CAST: variants seen among roughly 807,000 people sequenced by gnomAD.
CAST encodes MIR583 host.
CAST carries 76 observed loss-of-function variants against 119.6 expected under a neutral mutation model. The observed-to-expected ratio is 0.64, with a 90% CI of 0.53 to 0.77. CAST has a LOEUF of 0.77. Among genes scored for constraint, CAST ranks in the 30% least tolerant of loss-of-function variants. The pLI, the probability that CAST is intolerant of heterozygous loss-of-function variation, is 0.00. For synonymous variants in CAST, 319 were observed against 331.6 expected (o/e 0.96, Z 0.41); for missense variants, 953 against 946.5 (o/e 1.01, Z -0.09).
intron 1 of CAST, among the ~76,000 whole-genome samples, chr5:96,654,645 C>T (rs1748133404): frequency 6.6e-6 from 1 of 151,956 alleles, no homozygotes; most frequent in South Asian, 2.1e-4. Context: ...CAGATGTTAT[C>T]AAGAGTAAGT....
the CAST span, among the ~76,000 whole-genome samples, chr5:96,411,230 T>C: frequency 6.6e-6 from 1 of 152,244 alleles, no homozygotes; most frequent in East Asian, 1.9e-4. Context: ...CACACGCTTT[T>C]CTTTCTTATG....
chr5:96,692,003 C>T (rs539468577), intron 2 of CAST, among the ~76,000 whole-genome samples: 1 of 152,246 alleles, frequency 6.6e-6, no homozygotes, highest in African/African-American at 2.4e-5. Context: ...AAAATTTTTT[C>T]TCTGAACTAC....
At chr5:96,388,037 G>T in the CAST span, among the ~76,000 whole-genome samples, 1 of 152,188 alleles carries the variant, frequency 6.6e-6, no homozygotes, top group Non-Finnish European at 1.5e-5. Context: ...CAATATGGGG[G>T]TGTATAGAGA....
rs1762931147 is a variant in CAST at position 96,742,651 on chromosome 5, A to G, written c.1099-4A>G. On this transcript the variant is annotated splice_polypyrimidine_tract_variant and splice_region_variant and intron_variant, in intron 15 of 31. Coordinates refer to ENST00000675179, the MANE Select transcript of CAST (RefSeq NM_001750.7). ...TCATGCACAGGATTTTTTACTTTTA[A>G]CAGGATACAATGAGTGATCAAGCAC... 6.2e-7 allele frequency: 1 copy of G among 1,602,610 alleles called. No individual in the cohort carries two copies. The highest frequency in any genetic ancestry group is 1.1e-5 in the South Asian group (1 of 90,864).
At chr5:96,687,637 A>T (rs1752234120) in intron 2 of CAST, among the ~76,000 whole-genome samples, 4 of 152,306 alleles carry the variant, frequency 2.6e-5, no homozygotes, top group Middle Eastern at 6.8e-3. Context: ...TTCCTAAATG[A>T]TCTAATTCAA....
At chr5:96,287,634 A>T in the CAST span, among the ~76,000 whole-genome samples, 1 of 152,160 alleles carries the variant, frequency 6.6e-6, no homozygotes, top group Admixed American at 6.6e-5. Context: ...GAACTATATA[A>T]AACACTTTCA....
chr5:96,355,670 C>T, the CAST span, among the ~76,000 whole-genome samples: 1 of 152,122 alleles, frequency 6.6e-6, no homozygotes, highest in Non-Finnish European at 1.5e-5. Context: ...TGCTATTTCT[C>T]CACGTCCTCT....
At chr5:96,140,221 G>C in the CAST span, among the ~76,000 whole-genome samples, 5 of 152,214 alleles carry the variant, frequency 3.3e-5, no homozygotes, top group Non-Finnish European at 7.3e-5. Flanking sequence ...ATTTGAAGAA[G>C]TGTGGTTGTT....
the CAST span, among the ~76,000 whole-genome samples, chr5:96,439,478 CTT>C: frequency 3.3e-5 from 5 of 152,164 alleles, no homozygotes; most frequent in Non-Finnish European, 7.3e-5. Context: ...CACCAAATAA[CTT>C]GACATTAGGA....
At chr5:96,039,747 C>CAAAA in the CAST span, among the ~76,000 whole-genome samples, 1 of 152,174 alleles carries the variant, frequency 6.6e-6, no homozygotes, top group Non-Finnish European at 1.5e-5. Flanking sequence ...TGTTTTGATA[C>CAAAA]CAGTATCATG....
the CAST span, among the ~76,000 whole-genome samples, chr5:96,133,302 A>C: frequency 2.6e-3 from 388 of 152,046 alleles, 1 homozygote; most frequent in Non-Finnish European, 3.8e-3. Flanking sequence ...AGAAAAAAAA[A>C]AAACACACAC....
At chr5:96,665,072 A>G (rs1363684538) in intron 1 of CAST, among the ~76,000 whole-genome samples, 1 of 152,218 alleles carries the variant, frequency 6.6e-6, no homozygotes, top group Non-Finnish European at 1.5e-5. Context: ...TGTTTTTGCT[A>G]AAACCTCTCT....
upstream of CAST, among the ~76,000 whole-genome samples, chr5:96,659,293 G>A (rs1748210838): frequency 6.6e-6 from 1 of 152,188 alleles, no homozygotes; most frequent in Admixed American, 6.5e-5. Flanking sequence ...AGGCACGGTT[G>A]CCACAAGCCT....
In CAST at chr5:96,755,810, G is replaced by A. The variant is rs577683417; in HGVS notation, c.1710+1069G>A. Among the ~76,000 whole-genome samples, 87 of 152,256 alleles carry A rather than the reference G, an allele frequency of 5.7e-4. 1 individual carries two copies. Among genetic ancestry groups the A allele is most frequent in the South Asian group, 5.2e-3 (25 of 4,826 alleles). The stretch of plus-strand genomic sequence containing the variant: ...TTTACAATTCAGTTGCAGCCATAGC[G>A]TTTCTATTAATTTGGGCTCATTTGT... On this transcript the variant is annotated intron_variant, in intron 22 of 31. Transcript: ENST00000675179.
At chr5:96,512,118 C>T in the CAST span, among the ~76,000 whole-genome samples, 7 of 152,186 alleles carry the variant, frequency 4.6e-5, no homozygotes, top group Non-Finnish European at 1.0e-4. Flanking sequence ...AAAGGAGGTG[C>T]TCAATAAATA....
the CAST span, among the ~76,000 whole-genome samples, chr5:96,361,408 G>T: frequency 6.6e-6 from 1 of 152,198 alleles, no homozygotes; most frequent in Admixed American, 6.5e-5. Flanking sequence ...CTAGCTCAGT[G>T]TCTGCCCAAA....
At chr5:96,747,302 A>G (rs758178990) in intron 17 of CAST, 43 bp from the exon 18 acceptor site, 1 of 1,364,170 alleles carries the variant, frequency 7.3e-7, no homozygotes, top group African/African-American at 1.4e-5. Flanking sequence ...ATGAAAGCAA[A>G]ATTTTCTATT....
At chr5:96,410,461 T>C in the CAST span, among the ~76,000 whole-genome samples, 1 of 151,950 alleles carries the variant, frequency 6.6e-6, no homozygotes, top group African/African-American at 2.4e-5. Context: ...TTTAAGGCTG[T>C]TTCCAGGGAG....
intron 1 of CAST, 21 bp from the exon 2 acceptor site, chr5:96,675,518 T>C: frequency 6.4e-7 from 1 of 1,569,738 alleles, no homozygotes; most frequent in Non-Finnish European, 8.8e-7. Flanking sequence ...TTATTAAGCA[T>C]TATTTTTTAC....
Sources: allele counts gnomAD v4.1 joint callset (sites outside exome capture counted in the v4.1 genomes callset), GRCh38; gene constraint gnomAD v4.1.1; transcripts MANE v1.5; gene names NCBI Gene and HGNC (gene_info 2026-07-23, HGNC 2026-07-21).